The following PCDHGB4 variants were observed in gnomAD, a reference collection of about 807,000 sequenced individuals.
The protein encoded by PCDHGB4 is protocadherin gamma subfamily B, 4, also known as protocadherin gamma-B4.
In PCDHGB4, 38 loss-of-function variants were observed where a neutral mutation model predicts 60.5. The observed-to-expected ratio is 0.63, with a 90% CI of 0.48 to 0.82. The LOEUF is 0.82. Ranked by LOEUF, PCDHGB4 falls within the 40% of genes least tolerant of loss-of-function variation. The pLI is 0.00. For synonymous variants in PCDHGB4, 456 were observed against 509.7 expected, an observed-to-expected ratio of 0.89 and a Z score of 1.42; for missense variants, 1,109 against 1,209.6, an observed-to-expected ratio of 0.92 and a Z score of 1.23.
intron 1 of PCDHGB4, chr5:141,393,007 G>C: frequency 6.2e-7 from 1 of 1,613,850 alleles, no homozygotes; most frequent in Non-Finnish European, 8.5e-7. Context: ...CACGGAGTCC[G>C]TATCGTCTCC....
chr5:141,464,640 C>T (rs1482089475), intron 1 of PCDHGB4, among the ~76,000 whole-genome samples: 2 of 151,952 alleles, frequency 1.3e-5, no homozygotes, highest in Admixed American at 6.6e-5. Context: ...TTGTTGCCAA[C>T]CTGATGGGTA....
chr5:141,394,419 G>A, intron 1 of PCDHGB4: 1 of 1,614,224 alleles, frequency 6.2e-7, no homozygotes, highest in Non-Finnish European at 8.5e-7. Context: ...AACAGCCAGC[G>A]ACAGCGGGGA....
At position 141,389,406 on chromosome 5, in the gene PCDHGB4, G is replaced by A. The variant is rs1235613335; in HGVS notation, c.1522G>A (p.Glu508Lys). ...ELSSYVSISA[E>K]SGVVFAQRAF... is the part of the protein sequence containing the mutation. ...GTCATCCTACGTGTCCATAAGCGCG[G>A]AGAGCGGGGTGGTGTTCGCGCAGCG... Residue 508 changes from glutamate to lysine, a missense_variant, in exon 1 of 4, where the codon GAG becomes AAG. Around this residue, in one of 2 missense-constraint regions of PCDHGB4, gnomAD observed 1,068 missense variants for 1,089.9 expected, o/e 0.98. Transcript: ENST00000519479. 3 of 1,613,632 alleles carry A rather than the reference G, an allele frequency of 1.9e-6. No homozygotes were observed. Among genetic ancestry groups the A allele is most frequent in the South Asian group, 2.2e-5 (2 of 91,090 alleles).
chr5:141,394,837 T>G lies in PCDHGB4; in HGVS notation c.2397+4556T>G, dbSNP rs993988817. 198 of 1,613,706 alleles carry G rather than the reference T, an allele frequency of 1.2e-4. No homozygotes were observed. The highest frequency in any genetic ancestry group is 1.6e-4 in the Non-Finnish European group (187 of 1,179,960). ...AGCATCCCCGAAGTCCTGACCGAGT[T>G]GGGCAGTCTGAAGCCTTCGGTCGAC... is the stretch of plus-strand genomic sequence containing the variant. On this transcript the variant is annotated intron_variant, in intron 1 of 3. Coordinates refer to ENST00000519479, the MANE Select transcript of PCDHGB4 (RefSeq NM_003736.4).
chr5:141,428,037 C>G lies in PCDHGB4; in HGVS notation c.2397+37756C>G, dbSNP rs762273592. 3.7e-6 allele frequency: 6 copies of G among 1,608,340 alleles called. No homozygotes were observed. In the African/African-American group the frequency reaches 8.0e-5, roughly 21 times the overall value. ...GCCACGCGCCGCAGAGTCCGGCTACCTGGTGACCAAGGTGGTGGCGGTGGA... is the reference window on the plus strand; with the variant it reads ...GCCACGCGCCGCAGAGTCCGGCTACGTGGTGACCAAGGTGGTGGCGGTGGA... On this transcript the variant is annotated intron_variant, in intron 1 of 3. Coordinates refer to ENST00000519479, the MANE Select transcript of PCDHGB4 (RefSeq NM_003736.4).
In PCDHGB4 at chr5:141,476,401, G is replaced by A. The variant is rs772438777; in HGVS notation, c.2398-18406G>A. The A allele has an allele frequency of 1.9e-6, 3 of 1,614,054 alleles. No individual in the cohort carries two copies. Among genetic ancestry groups the A allele is most frequent in the African/African-American group, 2.7e-5 (2 of 74,926 alleles). On this transcript the variant is annotated intron_variant, in intron 1 of 3. Coordinates refer to ENST00000519479, the MANE Select transcript of PCDHGB4 (RefSeq NM_003736.4). This position sits in a 1 kb window ranked among gnomAD's most constrained non-coding sequence, Gnocchi z 7.6. ...TTGTGAACGACCGTCTGGATCGAGA[G>A]GAGCTGTGTGGGACACTGCCCTCTT...
At chr5:141,457,631 G>C (rs540600166) in intron 1 of PCDHGB4, among the ~76,000 whole-genome samples, 1 of 152,282 alleles carries the variant, frequency 6.6e-6, no homozygotes, top group African/African-American at 2.4e-5. Flanking sequence ...TCTTATACTT[G>C]GCCTGATTAT....
At chr5:141,458,730 C>T (rs1239174331) in intron 1 of PCDHGB4, among the ~76,000 whole-genome samples, 1 of 151,928 alleles carries the variant, frequency 6.6e-6, no homozygotes, top group Non-Finnish European at 1.5e-5. Flanking sequence ...CCACCACATC[C>T]AGCTATTGGT....
Position 141,404,599 on chromosome 5 carries a change from A to G in PCDHGB4, c.2397+14318A>G. 2.5e-6 allele frequency: 4 copies of G among 1,613,988 alleles called. 1 individual carries two copies. In the East Asian group the frequency reaches 8.9e-5, roughly 36 times the overall value. ...CACTTAGCAGCAATGTGTCATTGAG[A>G]CTGTTTGTTTTGGACCAGAATGACA... is the stretch of plus-strand genomic sequence containing the variant. On this transcript the variant is annotated intron_variant, in intron 1 of 3. Coordinates refer to ENST00000519479, the MANE Select transcript of PCDHGB4 (RefSeq NM_003736.4).
intron 1 of PCDHGB4, among the ~76,000 whole-genome samples, chr5:141,460,285 T>C (rs1283830175): frequency 1.3e-5 from 2 of 152,154 alleles, no homozygotes; most frequent in Admixed American, 6.5e-5. Context: ...ATAGTTTGTA[T>C]TTCTTATGTC....
At chr5:141,510,658 A>G (rs1162885805) in intron 3 of PCDHGB4, among the ~76,000 whole-genome samples, 1 of 152,178 alleles carries the variant, frequency 6.6e-6, no homozygotes, top group African/African-American at 2.4e-5. Context: ...CATTTTGCAG[A>G]TGAGAAAACT....
In PCDHGB4 at chr5:141,430,720, T is replaced by C. The variant is rs369549088; in HGVS notation, c.2397+40439T>C. On this transcript the variant is annotated intron_variant, in intron 1 of 3. Transcript: ENST00000519479. ...AAGGAACTGCTCCTGACTTCAGTGG[T>C]TAAGGGCAGAATTGAAAATAATTCT... The C allele has an allele frequency of 4.9e-4, 734 of 1,486,386 alleles. 1 individual carries two copies. Among genetic ancestry groups the C allele is most frequent in the Middle Eastern group, 9.1e-4 (5 of 5,506 alleles). The allele number at this position is 1,486,386 out of a possible 1,614,324, so 92.1% of individuals were successfully genotyped here.
At chr5:141,413,020 C>T in intron 1 of PCDHGB4, 1 of 693,768 alleles carries the variant, frequency 1.4e-6, no homozygotes, top group Non-Finnish European at 2.3e-6. Context: ...CTACACAAGC[C>T]CCACAAACCG....
intron 1 of PCDHGB4, chr5:141,468,696 C>G (rs1483766202): frequency 6.6e-6 from 1 of 151,386 alleles, no homozygotes; most frequent in East Asian, 2.0e-4. Context: ...GAAACCCCGT[C>G]TCTACTAAAA....
intron 1 of PCDHGB4, chr5:141,394,696 C>A: frequency 6.2e-7 from 1 of 1,613,046 alleles, no homozygotes; most frequent in Non-Finnish European, 8.5e-7. Flanking sequence ...GAGGTGCGCA[C>A]GGCGCGAGCC....
At position 141,491,894 on chromosome 5, in the gene PCDHGB4, C is replaced by T. The variant is rs1209251388; in HGVS notation, c.2398-2913C>T. The T allele has an allele frequency of 1.5e-5, 22 of 1,434,752 alleles. No individual in the cohort carries two copies. Among genetic ancestry groups the T allele is most frequent in the Admixed American group, 2.9e-5 (1 of 34,278 alleles). 88.9% of individuals were successfully genotyped at this position (1,434,752 alleles called of 1,614,324 possible). The stretch of plus-strand genomic sequence containing the variant: ...GCCGATTAAGGGATGGGGCTCCGAG[C>T]ACCGGGGGTGGTGGCGACTGTGGGC... On this transcript the variant is annotated intron_variant, in intron 1 of 3. Transcript: ENST00000519479. The surrounding 1 kb of genome is among the most constrained non-coding windows in gnomAD (Gnocchi z 6.9).
intron 1 of PCDHGB4, chr5:141,427,240 C>G (rs1447231420): frequency 1.3e-5 from 6 of 456,536 alleles, no homozygotes; most frequent in Non-Finnish European, 2.6e-5. Context: ...AGAGTAGAAG[C>G]TAAGGATGGT....
At chr5:141,480,046 A>G (rs919527311) in intron 1 of PCDHGB4, among the ~76,000 whole-genome samples, 1 of 152,206 alleles carries the variant, frequency 6.6e-6, no homozygotes, top group Non-Finnish European at 1.5e-5. Context: ...ATATGCAAAA[A>G]GGGAATAATA....
Position 141,491,507 on chromosome 5 carries a change from C to G in PCDHGB4, c.2398-3300C>G, listed in dbSNP as rs755899622. The stretch of plus-strand genomic sequence containing the variant: ...AACCTGCAGGTGAGCTCGGACGGCA[C>G]GCTCAAGTACATGGAGGTGACGCTG... On this transcript the variant is annotated intron_variant, in intron 1 of 3. Coordinates refer to ENST00000519479, the MANE Select transcript of PCDHGB4 (RefSeq NM_003736.4). This position sits in a 1 kb window ranked among gnomAD's most constrained non-coding sequence, Gnocchi z 6.9. 1.5e-5 allele frequency: 24 copies of G among 1,614,038 alleles called. No individual in the cohort carries two copies. The highest frequency in any genetic ancestry group is 2.0e-5 in the Non-Finnish European group (24 of 1,180,016).
Sources: gnomAD v4.1 joint callset for allele counts (sites outside exome capture counted in the v4.1 genomes callset) on GRCh38, gnomAD v4.1.1 for gene constraint, gnomAD v4.1.1 regional missense constraint, Gnocchi (gnomAD v3.1) non-coding constraint, MANE v1.5 for transcripts, NCBI Gene and HGNC (gene_info 2026-07-23, HGNC 2026-07-21) for gene names.